The following SETD9 variants were observed in gnomAD, a reference collection of about 807,000 sequenced individuals.
SETD9 encodes the protein SET domain containing 9.
Under a neutral mutation model 36.4 loss-of-function variants are expected in SETD9, and 37 were observed. The ratio of observed to expected loss-of-function variants is 1.02; its 90% CI spans 0.78 to 1.34. The LOEUF (loss-of-function observed/expected upper bound fraction) is 1.34. Among genes scored for constraint, SETD9 ranks in the 40% most tolerant of loss-of-function variants. The pLI is 0.00. For missense variants in SETD9, 323 were observed against 353.2 expected (o/e 0.91, Z 0.69); for synonymous variants, 128 against 132.9 (o/e 0.96, Z 0.26).
rs758154357 is a variant in SETD9 at position 56,916,954 on chromosome 5, G to GT, written c.*58dup. The GT allele has an allele frequency of 6.5e-7, 1 of 1,533,644 alleles. No homozygotes were observed. The stretch of plus-strand genomic sequence containing the variant: ...TTCTACTCAGCTATTAATTCTAAGT[G>GT]TTTTTTGTTAATCACTTCTCTGAGT... On this transcript the variant is annotated 3_prime_UTR_variant, in exon 6 of 6. Transcript: ENST00000285947.
downstream of SETD9, among the ~76,000 whole-genome samples, chr5:56,917,583 T>G (rs2662033): frequency 0.73 from 110,464 of 151,904 alleles, 41,704 homozygotes; most frequent in Non-Finnish European, 0.84. Context: ...TGGAGGGAGA[T>G]TGACTCCCTG....
chr5:56,913,387 C>CT (rs200264670), intron 3 of SETD9, among the ~76,000 whole-genome samples: 14,627 of 141,510 alleles, frequency 0.1, 1,036 homozygotes, highest in East Asian at 0.34. Context: ...ATTTTTTTTA[C>CT]TTTTTTTTTT....
intron 5 of SETD9, chr5:56,923,271 C>A (rs1749764814): frequency 6.2e-7 from 1 of 1,614,004 alleles, no homozygotes; most frequent in South Asian, 1.1e-5. Context: ...TTTTCAAAGT[C>A]CACACCCAGG....
In SETD9 at chr5:56,913,148, A is replaced by G. The variant is rs762638732; in HGVS notation, c.590+14A>G. On this transcript the variant is annotated intron_variant, in intron 3 of 5. Transcript: ENST00000285947. The stretch of plus-strand genomic sequence containing the variant: ...AGTTGTGTACAGGTAAGTGATGCCC[A>G]TGTTCAAATTTAATTATAGGAGACA... The G allele has an allele frequency of 6.8e-6, 11 of 1,612,360 alleles. No homozygotes were observed. In the East Asian group the frequency reaches 1.8e-4, roughly 26 times the overall value.
chr5:56,923,571 C>T (rs1470580520), intron 5 of SETD9: 26 of 1,612,900 alleles, frequency 1.6e-5, no homozygotes, highest in Middle Eastern at 3.3e-4. Flanking sequence ...ACGGTTGCTA[C>T]ACTGTTGGTC....
downstream of SETD9, chr5:56,922,313 ACC>A (rs1749708767): frequency 6.6e-6 from 1 of 152,412 alleles, no homozygotes; most frequent in African/African-American, 2.4e-5. Context: ...GGTGGACAAA[ACC>A]CCATCTGAGT....
At chr5:56,909,809 G>C (rs926357907) in intron 1 of SETD9, 66 bp downstream of exon 1, 1 of 1,472,502 alleles carries the variant, frequency 6.8e-7, no homozygotes, top group Non-Finnish European at 9.2e-7. Flanking sequence ...CCACGGCGGC[G>C]GGACGCAAAG....
intron 5 of SETD9, chr5:56,922,497 G>A (rs1213807283): frequency 6.5e-6 from 1 of 152,814 alleles, no homozygotes; most frequent in Non-Finnish European, 1.5e-5. Context: ...CTTCCATAAA[G>A]ATGGACTTGC....
At chr5:56,911,708 T>G in intron 2 of SETD9, 172 bp downstream of exon 2, 1 of 684,206 alleles carries the variant, frequency 1.5e-6, no homozygotes, top group Non-Finnish European at 2.2e-6. Context: ...TAAATTGTTT[T>G]GTGTTAGAAA....
At position 56,909,598 on chromosome 5, in the gene SETD9, C is replaced by T. The variant is rs779168540; in HGVS notation, c.-48C>T. On this transcript the variant is annotated 5_prime_UTR_variant, in exon 1 of 6. Coordinates refer to ENST00000285947, the MANE Select transcript of SETD9 (RefSeq NM_153706.4). ...CCGGGCCGGGGCGGGCCCGAGGCCT[C>T]GATCCGCCTTCCCCGCGCCGTCCTG... 10 of 1,506,184 alleles carry T rather than the reference C, an allele frequency of 6.6e-6. No homozygotes were observed. The highest frequency in any genetic ancestry group is 2.4e-5 in the South Asian group (2 of 82,778). The allele number at this position is 1,506,184 out of a possible 1,614,324, so 93.3% of individuals were successfully genotyped here.
chr5:56,909,717 C>T lies in SETD9; in HGVS notation c.72C>T (p.Ile24=). ...ACAAGTACCGCTTCGTTCCCTGGAT[C>T]GCACTGAACCTAAGCCACAACCCGA... ...RRYKYRFVPW[I]ALNLSHNPRT... Residue 24 remains isoleucine, a synonymous_variant, in exon 1 of 6, where the codon ATC becomes ATT. Coordinates refer to ENST00000285947, the MANE Select transcript of SETD9 (RefSeq NM_153706.4). 6.2e-7 allele frequency: 1 copy of T among 1,611,294 alleles called. No homozygotes were observed.
At chr5:56,920,433 A>AAAT (rs1176726228), downstream of SETD9, 7 of 152,582 alleles carry the variant, frequency 4.6e-5, no homozygotes, top group African/African-American at 1.7e-4. Context: ...GTTCATAAGA[A>AAAT]AATAATGGGG....
intron 5 of SETD9, among the ~76,000 whole-genome samples, chr5:56,924,829 G>T (rs1749881939): frequency 6.6e-6 from 1 of 152,218 alleles, no homozygotes; most frequent in Non-Finnish European, 1.5e-5. Context: ...ACCCGATAAA[G>T]AAGTTTCAGT....
At chr5:56,914,583 A>C (rs888938971) in intron 4 of SETD9, among the ~76,000 whole-genome samples, 1 of 151,990 alleles carries the variant, frequency 6.6e-6, no homozygotes, top group Non-Finnish European at 1.5e-5. Context: ...ATATTATCTA[A>C]ACATATGTTA....
intron 1 of SETD9, among the ~76,000 whole-genome samples, 158 bp downstream of exon 1, chr5:56,909,901 G>A (rs1579804254): frequency 6.6e-6 from 1 of 151,754 alleles, no homozygotes; most frequent in East Asian, 2.0e-4. Flanking sequence ...CGGGTGGGCG[G>A]GGACTGAGGC....
intron 1 of SETD9, 115 bp downstream of exon 1, chr5:56,909,858 G>A: frequency 1.1e-6 from 1 of 871,712 alleles, no homozygotes; most frequent in Non-Finnish European, 1.7e-6. Flanking sequence ...GAGATGGGCG[G>A]GCCCGGGTGG....
downstream of SETD9, chr5:56,920,669 A>C (rs1749629268): frequency 6.6e-6 from 1 of 152,462 alleles, no homozygotes; most frequent in Non-Finnish European, 1.5e-5. Context: ...AAAATTCAAT[A>C]AATAGCTATT....
Position 56,911,546 on chromosome 5 carries a change from C to T in SETD9, c.466+10C>T. The T allele has an allele frequency of 1.3e-6, 2 of 1,525,782 alleles. No individual in the cohort carries two copies. The highest frequency in any genetic ancestry group is 1.7e-6 in the Non-Finnish European group (2 of 1,143,836). 94.5% of individuals were successfully genotyped at this position (1,525,782 alleles called of 1,614,324 possible). On this transcript the variant is annotated intron_variant, in intron 2 of 5. Coordinates refer to ENST00000285947, the MANE Select transcript of SETD9 (RefSeq NM_153706.4). ...GTATCTATGTATCCTGGTAACAGCA[C>T]GATTAATATTATACTTTGCCAAGCT... is the stretch of plus-strand genomic sequence containing the variant.
Position 56,911,552 on chromosome 5 carries a change from A to C in SETD9, c.466+16A>C. ...ATGTATCCTGGTAACAGCACGATTA[A>C]TATTATACTTTGCCAAGCTTCTTAC... On this transcript the variant is annotated intron_variant, in intron 2 of 5. Transcript: ENST00000285947. 1.3e-6 allele frequency: 2 copies of C among 1,507,836 alleles called. No homozygotes were observed. 93.4% of individuals were successfully genotyped at this position (1,507,836 alleles called of 1,614,324 possible). A position where few individuals can be genotyped will look rare whatever the true frequency, so the allele number is the denominator to read the frequency against.
Sources: gnomAD v4.1 joint callset for allele counts (sites outside exome capture counted in the v4.1 genomes callset) on GRCh38, gnomAD v4.1.1 for gene constraint, MANE v1.5 for transcripts, NCBI Gene and HGNC (gene_info 2026-07-23, HGNC 2026-07-21) for gene names.